Variants in GXYLT2 observed in about 807,000 individuals in gnomAD.
The protein encoded by GXYLT2 is glucoside xylosyltransferase 2.
GXYLT2 carries 53 observed loss-of-function variants against 45.8 expected under a neutral mutation model. The ratio of observed to expected loss-of-function variants is 1.16; its 90% CI spans 0.93 to 1.46. The LOEUF is 1.46. Among genes scored for constraint, GXYLT2 ranks in the 40% most tolerant of loss-of-function variants. The pLI, the probability that GXYLT2 is intolerant of heterozygous loss-of-function variation, is 0.00. For synonymous variants in GXYLT2, 219 were observed against 214.2 expected, an observed-to-expected ratio of 1.02 and a Z score of -0.19; for missense variants, 551 against 544.4, an observed-to-expected ratio of 1.01 and a Z score of -0.12.
chr3:72,968,696 G>A (rs1004521163), intron 6 of GXYLT2, among the ~76,000 whole-genome samples: 1 of 152,304 alleles, frequency 6.6e-6, no homozygotes, highest in South Asian at 2.1e-4. Context: ...GGGAGGCCAA[G>A]GCAGGTGGAT....
intron 3 of GXYLT2, among the ~76,000 whole-genome samples, chr3:72,943,496 C>T (rs1057139723): frequency 2.0e-5 from 3 of 151,750 alleles, no homozygotes; most frequent in Admixed American, 1.3e-4. Context: ...CCCTCCTCAG[C>T]CTCCCGAGTA....
intron 3 of GXYLT2, among the ~76,000 whole-genome samples, chr3:72,927,444 G>A (rs1193829525): frequency 6.6e-6 from 1 of 152,138 alleles, no homozygotes; most frequent in Non-Finnish European, 1.5e-5. Context: ...TGGTTCTAAT[G>A]TTTTGAAATC....
At chr3:72,951,014 G>C (rs1187964589) in intron 3 of GXYLT2, among the ~76,000 whole-genome samples, 1 of 152,076 alleles carries the variant, frequency 6.6e-6, no homozygotes, top group Non-Finnish European at 1.5e-5. Context: ...AAAAACAAAG[G>C]CCTCATTGCT....
Position 72,955,326 on chromosome 3 carries a change from CGGATAAG to C in GXYLT2, c.830_836del (p.Arg277GlnfsTer9). The C allele has an allele frequency of 1.2e-6, 2 of 1,613,766 alleles. No homozygotes were observed. The highest frequency in any genetic ancestry group is 2.2e-5 in the South Asian group (2 of 91,052). ...AGGAGTCATGTTAATGAATTTAACTCGGATAAGAAGTACCCAGTTCAAGGTAAACGAG... is the reference window on the plus strand; with the variant it reads ...AGGAGTCATGTTAATGAATTTAACTCAAGTACCCAGTTCAAGGTAAACGAG... On this transcript the variant is annotated frameshift_variant, in exon 4 of 7. Transcript: ENST00000389617. LOFTEE classifies it high-confidence loss of function.
At chr3:72,912,752 G>T (rs1048214963) in intron 2 of GXYLT2, among the ~76,000 whole-genome samples, 1 of 152,132 alleles carries the variant, frequency 6.6e-6, no homozygotes. Context: ...AGCCTTCAAG[G>T]CTTCCAGCTG....
At chr3:72,921,722 C>T (rs1709836356) in intron 2 of GXYLT2, among the ~76,000 whole-genome samples, 1 of 152,178 alleles carries the variant, frequency 6.6e-6, no homozygotes. Context: ...AGCCACCATC[C>T]CTGGTCCCTC....
intron 2 of GXYLT2, among the ~76,000 whole-genome samples, chr3:72,914,167 C>T (rs145680275): frequency 8.7e-4 from 132 of 152,256 alleles, no homozygotes; most frequent in African/African-American, 2.4e-3. Flanking sequence ...GTCATGATTC[C>T]TCCGAAGGCT....
In GXYLT2 at chr3:72,903,824, G is replaced by T. The variant is rs190560218; in HGVS notation, c.276-4543G>T. On this transcript the variant is annotated intron_variant, in intron 1 of 6. Coordinates refer to ENST00000389617, the MANE Select transcript of GXYLT2 (RefSeq NM_001080393.2). ...AAGTTGATTGGGAACATCTTTTTAGGACCTTCGTTACGACTCTTATTTTGA... is the reference window on the plus strand; with the variant it reads ...AAGTTGATTGGGAACATCTTTTTAGTACCTTCGTTACGACTCTTATTTTGA... Among the ~76,000 whole-genome samples the T allele has an allele frequency of 3.3e-3, 509 of 152,304 alleles. 5 individuals carry two copies. Among genetic ancestry groups the T allele is most frequent in the Non-Finnish European group, 4.2e-3 (287 of 68,028 alleles).
intron 3 of GXYLT2, among the ~76,000 whole-genome samples, chr3:72,922,595 G>A (rs991952189): frequency 1.3e-5 from 2 of 152,016 alleles, no homozygotes; most frequent in Admixed American, 1.3e-4. Flanking sequence ...TTATTTACTG[G>A]CTCCTGTGAA....
intron 3 of GXYLT2, among the ~76,000 whole-genome samples, chr3:72,925,540 C>T (rs546796599): frequency 2.0e-5 from 3 of 151,992 alleles, no homozygotes; most frequent in Non-Finnish European, 4.4e-5. Flanking sequence ...CCAATTGACA[C>T]GAAAATCTCT....
intron 3 of GXYLT2, among the ~76,000 whole-genome samples, chr3:72,948,442 A>G (rs962089039): frequency 1.3e-5 from 2 of 152,256 alleles, no homozygotes; most frequent in African/African-American, 4.8e-5. Context: ...GAGTTAACTT[A>G]GAAGTGGATA....
At chr3:72,899,988 G>A (rs1048576347) in intron 1 of GXYLT2, among the ~76,000 whole-genome samples, 2 of 152,188 alleles carry the variant, frequency 1.3e-5, no homozygotes, top group Admixed American at 1.3e-4. Context: ...TACCCTGCTA[G>A]TCTGTATGGC....
chr3:72,908,759 C>G (rs1012326690), intron 2 of GXYLT2, among the ~76,000 whole-genome samples, 200 bp downstream of exon 2: 14 of 152,030 alleles, frequency 9.2e-5, no homozygotes, highest in African/African-American at 2.7e-4. Context: ...TTGAATGAGA[C>G]GAGGGTCTCA....
intron 3 of GXYLT2, among the ~76,000 whole-genome samples, chr3:72,935,100 G>GA (rs1302341404): frequency 7.9e-5 from 12 of 152,156 alleles, no homozygotes; most frequent in African/African-American, 2.9e-4. Flanking sequence ...TCAACCTACA[G>GA]AAAATCATAT....
At chr3:72,916,280 T>A (rs899229207) in intron 2 of GXYLT2, among the ~76,000 whole-genome samples, 14 of 148,502 alleles carry the variant, frequency 9.4e-5, no homozygotes, top group African/African-American at 3.5e-4. Context: ...CTTGCCAGTC[T>A]GAAGATGTAG....
chr3:72,933,827 C>T (rs1329200146), intron 3 of GXYLT2, among the ~76,000 whole-genome samples: 1 of 151,972 alleles, frequency 6.6e-6, no homozygotes, highest in South Asian at 2.1e-4. Context: ...ACTTGAGCTC[C>T]AGGAGATCGA....
intron 2 of GXYLT2, among the ~76,000 whole-genome samples, chr3:72,913,102 A>G (rs57941498): frequency 0.043 from 6,453 of 150,040 alleles, 404 homozygotes; most frequent in African/African-American, 0.15. Context: ...CAGTGGCGCA[A>G]TCTCGGCTCA....
intron 3 of GXYLT2, among the ~76,000 whole-genome samples, chr3:72,943,367 T>G (rs1191898762): frequency 2.0e-5 from 3 of 151,748 alleles, no homozygotes; most frequent in Non-Finnish European, 4.4e-5. Flanking sequence ...GGTATCTGTA[T>G]TTCTCTTTTT....
At position 72,922,223 on chromosome 3, in the gene GXYLT2, C is replaced by T. The variant is rs375806431; in HGVS notation, c.488C>T (p.Ser163Leu). The change falls in exon 3 of 7, where the codon TCA becomes TTA. Residue 163 changes from serine to leucine, a missense_variant. By Grantham distance (145) the Ser-to-Leu change is moderately radical (BLOSUM62 -2). Coordinates refer to ENST00000389617, the MANE Select transcript of GXYLT2 (RefSeq NM_001080393.2). ...FDKQLRQWPD[S>L]YTKKFEHRIY... is the part of the protein sequence containing the mutation. ...TTTCAGTTACGCCAGTGGCCTGACT[C>T]ATATACAAAGAAGTTTGAGCACAGA... The T allele has an allele frequency of 2.5e-5, 41 of 1,613,442 alleles. No individual in the cohort carries two copies. The highest frequency in any genetic ancestry group is 3.2e-5 in the Non-Finnish European group (38 of 1,179,666).
Sources: allele counts gnomAD v4.1 joint callset (sites outside exome capture counted in the v4.1 genomes callset), GRCh38; gene constraint gnomAD v4.1.1; transcripts MANE v1.5; gene names NCBI Gene and HGNC (gene_info 2026-07-23, HGNC 2026-07-21).